Variants in PDE4B observed in about 807,000 individuals in gnomAD.
PDE4B encodes phosphodiesterase 4B.
In PDE4B, 20 loss-of-function variants were observed where a neutral mutation model predicts 82.2. The ratio of observed to expected loss-of-function variants is 0.24; its 90% CI spans 0.17 to 0.35. PDE4B has a LOEUF of 0.35. Ranked by LOEUF, PDE4B falls within the 10% of genes least tolerant of loss-of-function variation. The probability of loss-of-function intolerance (pLI) is 1.00; values close to 1 mark genes in which losing one functional copy is unlikely to be tolerated. For synonymous variants in PDE4B, 320 were observed against 318.9 expected, an observed-to-expected ratio of 1.00 and a Z score of -0.04; for missense variants, 655 against 907.2, an observed-to-expected ratio of 0.72 and a Z score of 3.57.
At chr1:66,267,377 G>C (rs755631883) in intron 7 of PDE4B, 4 of 152,182 alleles carry the variant, frequency 2.6e-5, no homozygotes, top group Admixed American at 6.5e-5. Context: ...AGGTAGTTTT[G>C]AAACTCCAAT....
chr1:66,109,313 A>G (rs2101047035), intron 3 of PDE4B, among the ~76,000 whole-genome samples: 1 of 152,070 alleles, frequency 6.6e-6, no homozygotes, highest in East Asian at 1.9e-4. Context: ...GATGAGGTTA[A>G]AAAGTTCATA....
chr1:66,128,356 A>G (rs553489441), intron 3 of PDE4B, among the ~76,000 whole-genome samples: 6 of 152,310 alleles, frequency 3.9e-5, no homozygotes, highest in South Asian at 4.1e-4. Context: ...TGTAATTTTC[A>G]TTGTATTGAA....
At chr1:66,015,283 T>A (rs544621844) in intron 3 of PDE4B, among the ~76,000 whole-genome samples, 46 of 152,244 alleles carry the variant, frequency 3.0e-4, no homozygotes, top group African/African-American at 1.1e-3. Context: ...CTAGAGATTG[T>A]TTTGGCCTAG....
intron 3 of PDE4B, among the ~76,000 whole-genome samples, chr1:65,935,732 G>A (rs1198938426): frequency 2.0e-5 from 3 of 152,130 alleles, no homozygotes; most frequent in East Asian, 3.9e-4. Flanking sequence ...ACCTGAGGTC[G>A]AGAGTTCGAG....
chr1:66,033,073 A>G (rs1653878660), intron 3 of PDE4B, among the ~76,000 whole-genome samples: 1 of 152,156 alleles, frequency 6.6e-6, no homozygotes, highest in South Asian at 2.1e-4. Flanking sequence ...ATGATATTAA[A>G]AAGTAAAGTG....
chr1:65,953,938 G>A (rs548143134), intron 3 of PDE4B, among the ~76,000 whole-genome samples: 1 of 151,974 alleles, frequency 6.6e-6, no homozygotes, highest in Non-Finnish European at 1.5e-5. Context: ...TCGCTCTGTT[G>A]CCTAGGCTGG....
At chr1:65,820,339 T>C (rs1341005639) in intron 1 of PDE4B, among the ~76,000 whole-genome samples, 1 of 152,246 alleles carries the variant, frequency 6.6e-6, no homozygotes, top group Non-Finnish European at 1.5e-5. Flanking sequence ...CAATTCACTA[T>C]GGAAAAAAGA....
At chr1:65,985,551 T>C (rs962414490) in intron 3 of PDE4B, among the ~76,000 whole-genome samples, 18 of 152,294 alleles carry the variant, frequency 1.2e-4, no homozygotes, top group Admixed American at 8.5e-4. Context: ...TCCTTAATAT[T>C]TTATTCATTT....
rs1046735961 is a variant in PDE4B, at chr1:65,883,182, A to G, written c.-70-30063A>G. ...ATGAACTTTAAAGTAGTTTTTTCCA[A>G]TTCTGTGAAGAAAGTCATTGGTAGC... On this transcript the variant is annotated intron_variant, in intron 1 of 16. Coordinates refer to ENST00000341517, the MANE Select transcript of PDE4B (RefSeq NM_002600.4). Among the ~76,000 whole-genome samples the G allele has an allele frequency of 5.3e-5, 8 of 152,262 alleles. 1 individual carries two copies. Among genetic ancestry groups the G allele is most frequent in the Non-Finnish European group, 8.8e-5 (6 of 68,012 alleles).
At chr1:66,288,107 A>G (rs981831321) in intron 7 of PDE4B, among the ~76,000 whole-genome samples, 2 of 152,144 alleles carry the variant, frequency 1.3e-5, no homozygotes, top group African/African-American at 2.4e-5. Flanking sequence ...AGGAAGCATA[A>G]TAATGTCATC....
intron 4 of PDE4B, among the ~76,000 whole-genome samples, chr1:66,251,421 G>A (rs535546808): frequency 2.0e-5 from 3 of 152,258 alleles, no homozygotes; most frequent in African/African-American, 7.2e-5. Flanking sequence ...ACAAAATAAT[G>A]CTATTAATTT....
chr1:65,887,232 T>TTC lies in PDE4B; in HGVS notation c.-70-26011_-70-26010dup. ...TTTCTTTCTTTCTTTCTTTCTTTCT[T>TTC]TCTTTCTTTCTTTCTTTTCTTTCTT... On this transcript the variant is annotated intron_variant, in intron 1 of 16. Transcript: ENST00000341517. Among the ~76,000 whole-genome samples the TTC allele has an allele frequency of 1.5e-4, 4 of 25,974 alleles. No individual in the cohort carries two copies. In the Middle Eastern group the frequency reaches 0.037, roughly 244 times the overall value. 17.0% of individuals were successfully genotyped at this position (25,974 alleles called of 152,430 possible). A position where few individuals can be genotyped will look rare whatever the true frequency, so the allele number is the denominator to read the frequency against.
intron 7 of PDE4B, among the ~76,000 whole-genome samples, chr1:66,294,092 G>A (rs2101819180): frequency 6.6e-6 from 1 of 152,256 alleles, no homozygotes; most frequent in South Asian, 2.1e-4. Flanking sequence ...TGTAATCCCA[G>A]CTACTCAGGA....
chr1:66,091,353 G>A (rs1409161155), intron 3 of PDE4B, among the ~76,000 whole-genome samples: 5 of 151,994 alleles, frequency 3.3e-5, no homozygotes, highest in African/African-American at 1.2e-4. Flanking sequence ...CAAAAACACA[G>A]AAGAAAGCCC....
chr1:66,367,587 G>A (rs957585932), intron 13 of PDE4B, 109 bp from the exon 14 acceptor site: 18 of 845,812 alleles, frequency 2.1e-5, no homozygotes, highest in Non-Finnish European at 2.9e-5. Flanking sequence ...GTAGCTGGTG[G>A]TTCTTGAAAT....
intron 4 of PDE4B, among the ~76,000 whole-genome samples, chr1:66,250,790 T>A (rs1653708724): frequency 6.6e-6 from 1 of 152,182 alleles, no homozygotes; most frequent in Non-Finnish European, 1.5e-5. Context: ...GGAACCACCA[T>A]GGACAGAATG....
At chr1:66,152,631 TATACACACACACACACACAC>T (rs1646424621) in intron 3 of PDE4B, 2 of 26,430 alleles carry the variant, frequency 7.6e-5, no homozygotes, top group African/African-American at 2.7e-4. Context: ...TATATATGTG[TATACACACACACACACACAC>T]ACACACACAC....
chr1:66,051,391 A>T (rs1655019343), intron 3 of PDE4B, among the ~76,000 whole-genome samples: 1 of 152,138 alleles, frequency 6.6e-6, no homozygotes, highest in African/African-American at 2.4e-5. Flanking sequence ...GGAGAGAACC[A>T]AATTCAAACC....
intron 3 of PDE4B, among the ~76,000 whole-genome samples, chr1:66,202,146 G>C: frequency 6.6e-6 from 1 of 152,094 alleles, no homozygotes; most frequent in East Asian, 1.9e-4. Context: ...TTTCCATGTA[G>C]TTGAGCAGTT....
Sources: gnomAD v4.1 joint callset for allele counts (sites outside exome capture counted in the v4.1 genomes callset) on GRCh38, gnomAD v4.1.1 for gene constraint, MANE v1.5 for transcripts, NCBI Gene and HGNC (gene_info 2026-07-23, HGNC 2026-07-21) for gene names.